NCKAP5: variants seen among roughly 807,000 people sequenced by gnomAD.
NCKAP5 encodes the protein nck-associated protein 5.
NCKAP5 carries 92 observed loss-of-function variants against 167.0 expected under a neutral mutation model. That is an observed-to-expected ratio of 0.55 (90% CI 0.47 to 0.66). NCKAP5 has a LOEUF of 0.66. Ranked by LOEUF, NCKAP5 falls within the 30% of genes least tolerant of loss-of-function variation. NCKAP5 has a pLI of 0.00. For synonymous variants in NCKAP5, 891 were observed against 877.4 expected, an observed-to-expected ratio of 1.02 and a Z score of -0.27; for missense variants, 2,378 against 2,315.0, an observed-to-expected ratio of 1.03 and a Z score of -0.56.
At chr2:133,545,468 A>G (rs563049522) in intron 2 of NCKAP5, among the ~76,000 whole-genome samples, 15 of 152,202 alleles carry the variant, frequency 9.9e-5, no homozygotes, top group Middle Eastern at 3.4e-3. Context: ...GACAGGTATG[A>G]CCTCTAAAAA....
At chr2:133,659,869 A>G in the NCKAP5 span, among the ~76,000 whole-genome samples, 1 of 152,326 alleles carries the variant, frequency 6.6e-6, no homozygotes, top group East Asian at 1.9e-4. Flanking sequence ...TAACCATTGC[A>G]TATATGTTTT....
intron 11 of NCKAP5, among the ~76,000 whole-genome samples, chr2:132,846,595 A>G (rs560347091): frequency 2.6e-5 from 4 of 152,230 alleles, no homozygotes; most frequent in Non-Finnish European, 2.9e-5. Context: ...GTGACTCACT[A>G]TGCCTGGCCT....
the NCKAP5 span, among the ~76,000 whole-genome samples, chr2:133,649,291 T>C: frequency 6.6e-6 from 1 of 151,164 alleles, no homozygotes; most frequent in Non-Finnish European, 1.5e-5. Context: ...ACTGAACTGA[T>C]GAATACTACC....
intron 5 of NCKAP5, among the ~76,000 whole-genome samples, chr2:133,147,394 T>A (rs551050432): frequency 9.2e-5 from 14 of 152,258 alleles, no homozygotes; most frequent in African/African-American, 3.4e-4. Context: ...AAAAATAACC[T>A]ATTAAGGCTA....
chr2:133,595,238 T>A, the NCKAP5 span, among the ~76,000 whole-genome samples: 1 of 152,116 alleles, frequency 6.6e-6, no homozygotes, highest in Non-Finnish European at 1.5e-5. Context: ...TGTTTTGTAT[T>A]GTTTTGTTCT....
At chr2:133,668,716 G>A in the NCKAP5 span, among the ~76,000 whole-genome samples, 1 of 150,278 alleles carries the variant, frequency 6.7e-6, no homozygotes, top group Non-Finnish European at 1.5e-5. Flanking sequence ...TATCCTACTT[G>A]GAGTTTATTG....
In NCKAP5 at chr2:133,280,776, C is replaced by G. The variant is rs74427736; in HGVS notation, c.143+22261G>C. 4.0e-3 allele frequency among the ~76,000 whole-genome samples: 614 copies of G among 152,254 alleles called. 3 individuals carry two copies. Among genetic ancestry groups the G allele is most frequent in the South Asian group, 9.3e-3 (45 of 4,822 alleles). On this transcript the variant is annotated intron_variant, in intron 4 of 19. Transcript: ENST00000409261. Reference sequence around the variant, plus strand: ...ATAGCGCTTTATTGGAATAGTTATACCTGTTCACTTACGTATCCTTTGTGG... The same window carrying G: ...ATAGCGCTTTATTGGAATAGTTATAGCTGTTCACTTACGTATCCTTTGTGG...
At chr2:133,405,064 A>G (rs76828336) in intron 3 of NCKAP5, among the ~76,000 whole-genome samples, 8 of 152,332 alleles carry the variant, frequency 5.3e-5, no homozygotes, top group Middle Eastern at 3.4e-3. Context: ...GTTACATCTC[A>G]TTATTCACAG....
intron 19 of NCKAP5, among the ~76,000 whole-genome samples, chr2:132,720,129 C>A (rs1180597815): frequency 6.6e-6 from 1 of 152,196 alleles, no homozygotes; most frequent in Non-Finnish European, 1.5e-5. Context: ...TTGCTCGCTC[C>A]TTCACCTTTA....
intron 19 of NCKAP5, among the ~76,000 whole-genome samples, chr2:132,703,051 T>C (rs887627935): frequency 3.9e-5 from 6 of 152,060 alleles, no homozygotes; most frequent in Non-Finnish European, 2.9e-5. Context: ...TGTAAGGGTA[T>C]GTGCCTGCAG....
intron 13 of NCKAP5, among the ~76,000 whole-genome samples, chr2:132,786,656 G>A (rs1269067519): frequency 6.6e-6 from 1 of 151,706 alleles, no homozygotes. Context: ...GAAATGGAAG[G>A]GGGAAAAAAA....
At chr2:133,134,230 C>T (rs567102801) in intron 5 of NCKAP5, among the ~76,000 whole-genome samples, 1 of 152,246 alleles carries the variant, frequency 6.6e-6, no homozygotes, top group South Asian at 2.1e-4. Context: ...CCTTCCACCA[C>T]TTCACAGTAA....
intron 5 of NCKAP5, among the ~76,000 whole-genome samples, chr2:133,133,595 G>T (rs1205255993): frequency 6.6e-6 from 1 of 152,174 alleles, no homozygotes; most frequent in Non-Finnish European, 1.5e-5. Context: ...TAGTAAAAAG[G>T]TAGGTTTCCC....
intron 3 of NCKAP5, among the ~76,000 whole-genome samples, chr2:133,434,968 T>C (rs747769906): frequency 3.9e-5 from 6 of 152,208 alleles, no homozygotes; most frequent in East Asian, 3.8e-4. Context: ...AGGAGAACTA[T>C]AGAAGACAAG....
At chr2:133,520,190 T>C (rs762569623) in intron 2 of NCKAP5, among the ~76,000 whole-genome samples, 27 of 152,162 alleles carry the variant, frequency 1.8e-4, no homozygotes, top group Non-Finnish European at 3.4e-4. Context: ...CGAGACTCCA[T>C]CTCAAAATAT....
intron 12 of NCKAP5, among the ~76,000 whole-genome samples, chr2:132,791,353 G>C (rs188578603): frequency 4.6e-4 from 70 of 152,260 alleles, no homozygotes; most frequent in Non-Finnish European, 8.7e-4. Flanking sequence ...CTCACATCAG[G>C]TAGGTCTGGG....
At chr2:133,409,587 G>C (rs1351253280) in intron 3 of NCKAP5, among the ~76,000 whole-genome samples, 2 of 146,462 alleles carry the variant, frequency 1.4e-5, no homozygotes, top group Non-Finnish European at 3.0e-5. Context: ...ACCTTGTCAT[G>C]GAGAAGTTTA....
chr2:132,789,029 C>G (rs945477812), intron 13 of NCKAP5, among the ~76,000 whole-genome samples: 1 of 152,156 alleles, frequency 6.6e-6, no homozygotes, highest in Non-Finnish European at 1.5e-5. Context: ...AGAAGAGCCA[C>G]CTGAGTGTCC....
chr2:133,105,110 C>A (rs1182742436), intron 6 of NCKAP5, among the ~76,000 whole-genome samples: 2 of 152,190 alleles, frequency 1.3e-5, no homozygotes, highest in African/African-American at 4.8e-5. Flanking sequence ...CCTTTTGTAT[C>A]TTTTACTTCA....
Sources: allele counts gnomAD v4.1 joint callset (sites outside exome capture counted in the v4.1 genomes callset), GRCh38; gene constraint gnomAD v4.1.1; transcripts MANE v1.5; gene names NCBI Gene and HGNC (gene_info 2026-07-23, HGNC 2026-07-21).